The following BRINP1 variants were observed in gnomAD, a reference collection of about 807,000 sequenced individuals.
BRINP1 encodes the protein BMP/retinoic acid inducible neural specific 1, also known as BMP/retinoic acid-inducible neural-specific protein 1.
In BRINP1, 17 loss-of-function variants were observed where a neutral mutation model predicts 72.9. The observed-to-expected ratio is 0.23, with a 90% CI of 0.16 to 0.35. The LOEUF (loss-of-function observed/expected upper bound fraction) is 0.35, where lower values mean the gene tolerates loss of function less well. Ranked by LOEUF, BRINP1 falls within the 10% of genes least tolerant of loss-of-function variation. The pLI, the probability that BRINP1 is intolerant of heterozygous loss-of-function variation, is 1.00. For missense variants in BRINP1, 850 were observed against 1,001.6 expected, an observed-to-expected ratio of 0.85 and a Z score of 2.04; for synonymous variants, 418 against 378.5, an observed-to-expected ratio of 1.10 and a Z score of -1.21.
intron 2 of BRINP1, among the ~76,000 whole-genome samples, chr9:119,270,699 C>T (rs1344331945): frequency 1.3e-5 from 2 of 152,134 alleles, no homozygotes; most frequent in Non-Finnish European, 2.9e-5. Flanking sequence ...GGTTTATACA[C>T]AATATACTTG....
intron 5 of BRINP1, among the ~76,000 whole-genome samples, chr9:119,215,216 G>A (rs182444264): frequency 6.6e-6 from 1 of 152,246 alleles, no homozygotes; most frequent in Admixed American, 6.5e-5. Context: ...TTAGCACTCT[G>A]GATTACATCT....
At chr9:119,257,158 A>C (rs1029727975) in intron 2 of BRINP1, among the ~76,000 whole-genome samples, 3 of 152,228 alleles carry the variant, frequency 2.0e-5, no homozygotes, top group Non-Finnish European at 4.4e-5. Flanking sequence ...TCAGAAAGAC[A>C]GCAGAGTAGT....
At chr9:119,233,188 G>A (rs1302035620) in intron 5 of BRINP1, among the ~76,000 whole-genome samples, 1 of 152,012 alleles carries the variant, frequency 6.6e-6, no homozygotes, top group Non-Finnish European at 1.5e-5. Flanking sequence ...ATGAGAAGAG[G>A]AAGAGAGAAA....
At chr9:119,363,088 C>A (rs930373466) in intron 1 of BRINP1, among the ~76,000 whole-genome samples, 1 of 152,124 alleles carries the variant, frequency 6.6e-6, no homozygotes, top group East Asian at 1.9e-4. Context: ...GAAATGACTC[C>A]GTGGCTTGTT....
intron 2 of BRINP1, among the ~76,000 whole-genome samples, chr9:119,290,359 G>A (rs988176986): frequency 6.7e-6 from 1 of 149,192 alleles, no homozygotes; most frequent in African/African-American, 2.4e-5. Flanking sequence ...AAATATTACT[G>A]GTTACTATAA....
intron 5 of BRINP1, among the ~76,000 whole-genome samples, chr9:119,226,489 C>T (rs1388270960): frequency 2.0e-5 from 3 of 152,038 alleles, no homozygotes; most frequent in Non-Finnish European, 4.4e-5. Flanking sequence ...GATACTCCTT[C>T]TCTCAGCATC....
chr9:119,226,949 C>T (rs922008890), intron 5 of BRINP1, among the ~76,000 whole-genome samples: 25 of 151,920 alleles, frequency 1.6e-4, no homozygotes, highest in African/African-American at 5.8e-4. Flanking sequence ...GGTTCAAATT[C>T]CTGCTCTAAA....
chr9:119,354,266 T>C (rs1831536650), intron 1 of BRINP1, among the ~76,000 whole-genome samples: 1 of 152,122 alleles, frequency 6.6e-6, no homozygotes, highest in Non-Finnish European at 1.5e-5. Context: ...TAGGACAAAA[T>C]CCATCACTCA....
chr9:119,330,983 T>C (rs115443307), intron 1 of BRINP1, among the ~76,000 whole-genome samples: 3,053 of 152,228 alleles, frequency 0.02, 112 homozygotes, highest in African/African-American at 0.069. Context: ...GCCGAGATTG[T>C]GCCACTGCTC....
intron 7 of BRINP1, among the ~76,000 whole-genome samples, chr9:119,177,063 G>A (rs774817818): frequency 2.0e-5 from 3 of 152,086 alleles, no homozygotes; most frequent in Non-Finnish European, 4.4e-5. Context: ...CTTCTTCTCC[G>A]AGCACCTAGC....
In BRINP1 at chr9:119,321,484, T is replaced by A. The variant is rs369550521; in HGVS notation, c.-50-8079A>T. Reference sequence around the variant, plus strand: ...AAGAATAATGGAATTTATTTATTTTTTTTATTTATTTATTTTTTAGTTTTT... The same window carrying A: ...AAGAATAATGGAATTTATTTATTTTATTTATTTATTTATTTTTTAGTTTTT... On this transcript the variant is annotated intron_variant, in intron 1 of 7. Coordinates refer to ENST00000265922, the MANE Select transcript of BRINP1 (RefSeq NM_014618.3). Among the ~76,000 whole-genome samples the A allele has an allele frequency of 2.1e-3, 321 of 152,260 alleles. 1 individual carries two copies. The highest frequency in any genetic ancestry group is 7.2e-3 in the African/African-American group (300 of 41,546).
At chr9:119,366,244 G>T (rs2119048311) in intron 1 of BRINP1, among the ~76,000 whole-genome samples, 1 of 152,246 alleles carries the variant, frequency 6.6e-6, no homozygotes, top group East Asian at 1.9e-4. Context: ...ATGTATTAAT[G>T]TCTAGGGGTG....
intron 5 of BRINP1, among the ~76,000 whole-genome samples, chr9:119,238,448 C>T (rs967192192): frequency 4.6e-5 from 7 of 152,188 alleles, no homozygotes; most frequent in African/African-American, 1.7e-4. Flanking sequence ...CATGAATTTA[C>T]TGTCCTGCAT....
chr9:119,284,238 A>G (rs1011814542), intron 2 of BRINP1, among the ~76,000 whole-genome samples: 1 of 152,148 alleles, frequency 6.6e-6, no homozygotes, highest in Non-Finnish European at 1.5e-5. Context: ...TGATGCTCAG[A>G]TTTTACAAAT....
chr9:119,310,518 GGA>G (rs1248462379), intron 2 of BRINP1, among the ~76,000 whole-genome samples: 2 of 152,268 alleles, frequency 1.3e-5, no homozygotes, highest in East Asian at 3.9e-4. Flanking sequence ...TACAAATGCA[GGA>G]GAAAGAAGAT....
intron 7 of BRINP1, among the ~76,000 whole-genome samples, chr9:119,172,498 C>G (rs576343792): frequency 2.8e-4 from 43 of 151,720 alleles, no homozygotes; most frequent in Admixed American, 1.7e-3. Context: ...AATAGCTTAC[C>G]AACCAAAAAG....
At chr9:119,262,979 G>A (rs1830512512) in intron 2 of BRINP1, among the ~76,000 whole-genome samples, 1 of 152,284 alleles carries the variant, frequency 6.6e-6, no homozygotes, top group Admixed American at 6.5e-5. Context: ...GCCGGAGGAA[G>A]TACAAATAAT....
chr9:119,169,398 C>CCT (rs142956371), intron 7 of BRINP1, among the ~76,000 whole-genome samples: 11,568 of 152,150 alleles, frequency 0.076, 1,330 homozygotes, highest in African/African-American at 0.25. Context: ...GGTCACTCCC[C>CCT]CACCGAATAC....
Position 119,346,768 on chromosome 9 carries a change from TG to T in BRINP1, c.-51+22287del, listed in dbSNP as rs879376334. Among the ~76,000 whole-genome samples, 863 of 152,344 alleles carry T rather than the reference TG, an allele frequency of 5.7e-3. 3 individuals carry two copies. Among genetic ancestry groups the T allele is most frequent in the Non-Finnish European group, 8.5e-3 (578 of 68,020 alleles). On this transcript the variant is annotated intron_variant, in intron 1 of 7. Transcript: ENST00000265922. ...GACCACAGAGCTTGTGATTCTATGG[TG>T]TTTCCTTCAAGGAACTTAAAATGCT...
Sources: allele counts gnomAD v4.1 joint callset (sites outside exome capture counted in the v4.1 genomes callset), GRCh38; gene constraint gnomAD v4.1.1; transcripts MANE v1.5; gene names NCBI Gene and HGNC (gene_info 2026-07-23, HGNC 2026-07-21).